BTBD2: variants seen among roughly 807,000 people sequenced by gnomAD.
BTBD2 encodes BTB domain containing 2, also known as BTB/POZ domain-containing protein 2.
Under a neutral mutation model 44.0 loss-of-function variants are expected in BTBD2, and 15 were observed. The observed-to-expected ratio is 0.34, with a 90% confidence interval of 0.23 to 0.53. The LOEUF (loss-of-function observed/expected upper bound fraction) is 0.53, where lower values mean the gene tolerates loss of function less well. Ranked by LOEUF, BTBD2 falls within the 20% of genes least tolerant of loss-of-function variation. The probability of loss-of-function intolerance (pLI) is 0.95; values close to 1 mark genes in which losing one functional copy is unlikely to be tolerated. For missense variants in BTBD2, 657 were observed against 746.4 expected (o/e 0.88, Z 1.39); for synonymous variants, 443 against 335.9 (o/e 1.32, Z -3.49).
At chr19:2,010,457 C>T (rs1003065440) in intron 1 of BTBD2, among the ~76,000 whole-genome samples, 4 of 152,146 alleles carry the variant, frequency 2.6e-5, no homozygotes, top group Admixed American at 1.3e-4. Context: ...ACTGGGGCCA[C>T]CACCAAGGCC....
At position 1,986,230 on chromosome 19, in the gene BTBD2, T is replaced by C; in HGVS notation, c.*258A>G. 1.9e-6 allele frequency: 1 copy of C among 518,994 alleles called. No individual in the cohort carries two copies. Among genetic ancestry groups the C allele is most frequent in the Non-Finnish European group, 3.5e-6 (1 of 288,838 alleles). 32.1% of individuals were successfully genotyped at this position (518,994 alleles called of 1,614,324 possible). The stretch of plus-strand genomic sequence containing the variant: ...CCTGGCCCAGGCCGGCACAGCCCTG[T>C]CCCTAGTCCTGAGGGATTGTCTCCA... On this transcript the variant is annotated 3_prime_UTR_variant, in exon 9 of 9. Transcript: ENST00000255608.
intron 2 of BTBD2, among the ~76,000 whole-genome samples, chr19:1,995,781 C>T (rs1007143515): frequency 2.0e-5 from 3 of 151,706 alleles, no homozygotes; most frequent in African/African-American, 7.3e-5. Flanking sequence ...CGACTACGGG[C>T]GTCCGCCACC....
At chr19:1,989,002 T>C (rs1367188085) in intron 5 of BTBD2, among the ~76,000 whole-genome samples, 1 of 152,056 alleles carries the variant, frequency 6.6e-6, no homozygotes, top group Non-Finnish European at 1.5e-5. Context: ...AACCTCCACC[T>C]CCTGGGTTCA....
intron 1 of BTBD2, among the ~76,000 whole-genome samples, chr19:2,007,243 G>C (rs113625895): frequency 2.0e-5 from 3 of 152,078 alleles, no homozygotes; most frequent in African/African-American, 7.2e-5. Flanking sequence ...CTCCTGCCTC[G>C]GCCTCCGAAA....
intron 1 of BTBD2, among the ~76,000 whole-genome samples, chr19:2,003,868 C>T (rs1390664031): frequency 2.0e-5 from 3 of 151,698 alleles, no homozygotes; most frequent in Non-Finnish European, 4.4e-5. Flanking sequence ...AAGCTGGAAC[C>T]GCTTAGGGCA....
intron 1 of BTBD2, among the ~76,000 whole-genome samples, chr19:2,004,888 C>T (rs951251097): frequency 4.0e-5 from 6 of 151,728 alleles, no homozygotes; most frequent in African/African-American, 1.5e-4. Flanking sequence ...GTGGTGCCAT[C>T]TCGGTTCACT....
chr19:1,999,208 A>G lies in BTBD2; in HGVS notation c.408-1745T>C, dbSNP rs541938286. On this transcript the variant is annotated intron_variant, in intron 1 of 8. Transcript: ENST00000255608. ...CTTGACTGCACCCCAGAGTCAGGTC[A>G]GAAACCAACGCAGTGGCTTCCACAT... 5.3e-5 allele frequency among the ~76,000 whole-genome samples: 8 copies of G among 152,332 alleles called. 1 individual carries two copies. The South Asian group carries it at 1.7e-3, about 32-fold the overall frequency.
chr19:1,998,692 C>T (rs995798352), intron 1 of BTBD2, among the ~76,000 whole-genome samples: 2 of 152,148 alleles, frequency 1.3e-5, no homozygotes, highest in East Asian at 1.9e-4. Context: ...CAAGACGCCA[C>T]TCTGTGCTGT....
intron 1 of BTBD2, among the ~76,000 whole-genome samples, chr19:1,999,788 C>A (rs549378264): frequency 6.6e-6 from 1 of 151,824 alleles, no homozygotes; most frequent in Non-Finnish European, 1.5e-5. Context: ...ATGGTGAAAC[C>A]CCGTCTCTAC....
Position 1,999,689 on chromosome 19 carries a change from A to G in BTBD2, c.408-2226T>C, listed in dbSNP as rs946422410. On this transcript the variant is annotated intron_variant, in intron 1 of 8. Transcript: ENST00000255608. ...TCAAAAAAAAAAAAAGGCCAGGTGC[A>G]GTGGCTCACGCCTGTAATCCCACCA... Among the ~76,000 whole-genome samples, 135 of 151,716 alleles carry G rather than the reference A, an allele frequency of 8.9e-4. 1 individual carries two copies. The highest frequency in any genetic ancestry group is 3.4e-3 in the Middle Eastern group (1 of 292).
intron 1 of BTBD2, among the ~76,000 whole-genome samples, chr19:2,005,023 T>C (rs1447095314): frequency 3.3e-5 from 5 of 151,788 alleles, no homozygotes; most frequent in Non-Finnish European, 7.4e-5. Context: ...GGTTTCACCG[T>C]GTTAGTCAGG....
intron 1 of BTBD2, among the ~76,000 whole-genome samples, chr19:2,005,889 G>A (rs1408743099): frequency 1.3e-5 from 2 of 151,886 alleles, no homozygotes; most frequent in East Asian, 1.9e-4. Flanking sequence ...ACAAGTTCAA[G>A]ACCAGCCTGA....
chr19:1,987,714 G>A (rs571190804), intron 5 of BTBD2, 22 bp from the exon 6 acceptor site: 1 of 1,564,512 alleles, frequency 6.4e-7, no homozygotes, highest in South Asian at 1.2e-5. Context: ...GGAGGGTGTG[G>A]GGGAGGGCCG....
intron 1 of BTBD2, among the ~76,000 whole-genome samples, chr19:1,999,771 G>T (rs2016302430): frequency 6.6e-6 from 1 of 151,950 alleles, no homozygotes; most frequent in African/African-American, 2.4e-5. Context: ...AGACCAGCCT[G>T]GCCAACATGG....
At chr19:1,992,535 C>T (rs1380541843) in intron 3 of BTBD2, among the ~76,000 whole-genome samples, 2 of 152,030 alleles carry the variant, frequency 1.3e-5, no homozygotes, top group Non-Finnish European at 2.9e-5. Flanking sequence ...CCACCGCACC[C>T]TGCCAATAAT....
chr19:2,015,435 C>A lies in BTBD2; in HGVS notation c.269G>T (p.Arg90Leu). The A allele has an allele frequency of 6.8e-7, 1 of 1,461,678 alleles. No homozygotes were observed. Among genetic ancestry groups the A allele is most frequent in the Non-Finnish European group, 9.0e-7 (1 of 1,108,754 alleles). 90.5% of individuals were successfully genotyped at this position (1,461,678 alleles called of 1,614,324 possible). ...AAGPGAAALQ[R>L]EAAYNWQASK... ...GGCCTGCCAGTTGTACGCGGCCTCG[C>A]GCTGCAGCGCCGCCGCCCCCGGGCC... Residue 90 changes from arginine (R) to leucine (L), a missense_variant, in exon 1 of 9, where the codon CGC (arginine) becomes CTC (leucine). Arg to Leu is a moderately radical substitution (Grantham distance 102). Transcript: ENST00000255608.
intron 1 of BTBD2, among the ~76,000 whole-genome samples, chr19:2,012,068 A>G (rs887560743): frequency 6.6e-6 from 1 of 151,394 alleles, no homozygotes; most frequent in Non-Finnish European, 1.5e-5. Flanking sequence ...GTTGGCCAGG[A>G]TGGTCTCAAA....
At position 2,015,639 on chromosome 19, in the gene BTBD2, G is replaced by A. The variant is rs1191626219; in HGVS notation, c.65C>T (p.Thr22Met). The A allele has an allele frequency of 1.2e-5, 12 of 987,600 alleles. No individual in the cohort carries two copies. The highest frequency in any genetic ancestry group is 1.4e-5 in the Non-Finnish European group (12 of 834,760). The allele number at this position is 987,600 out of a possible 1,614,324, so 61.2% of individuals were successfully genotyped here. A position where few individuals can be genotyped will look rare whatever the true frequency, so the allele number is the denominator to read the frequency against. The change falls in exon 1 of 9, where the codon ACG becomes ATG. Residue 22 changes from threonine (T) to methionine (M), a missense_variant. This residue lies in a region of BTBD2 where 191 missense variants were observed against 188.5 expected (regional missense o/e 1.01). Coordinates refer to ENST00000255608, the MANE Select transcript of BTBD2 (RefSeq NM_017797.4). The stretch of plus-strand genomic sequence containing the variant: ...GGCGCTGGGCCCGGGACTGCCCCCC[G>A]TGCCCGGGCCGACCCCGACCCCCGG... ...CPPGVGVGPG[T>M]GGSPGPSANA...
At chr19:2,003,740 C>T (rs1038810249) in intron 1 of BTBD2, among the ~76,000 whole-genome samples, 1 of 149,730 alleles carries the variant, frequency 6.7e-6, no homozygotes, top group Non-Finnish European at 1.5e-5. Flanking sequence ...CATTGCACTC[C>T]AGCCTGGGCA....
Sources: gnomAD v4.1 joint callset for allele counts (sites outside exome capture counted in the v4.1 genomes callset) on GRCh38, gnomAD v4.1.1 for gene constraint, gnomAD v4.1.1 regional missense constraint, MANE v1.5 for transcripts, NCBI Gene and HGNC (gene_info 2026-07-23, HGNC 2026-07-21) for gene names.